The following NADK2 variants were observed in gnomAD, a reference collection of about 807,000 sequenced individuals.
NADK2 encodes NAD kinase 2, mitochondrial.
Under a neutral mutation model 62.1 loss-of-function variants are expected in NADK2, and 35 were observed. That is an observed-to-expected ratio of 0.56 (90% CI 0.43 to 0.75). The LOEUF (loss-of-function observed/expected upper bound fraction) is 0.75, where lower values mean the gene tolerates loss of function less well. NADK2 is among the 30% of genes least tolerant of loss of function. The pLI, the probability that NADK2 is intolerant of heterozygous loss-of-function variation, is 0.00. For synonymous variants in NADK2, 205 were observed against 207.9 expected (o/e 0.99, Z 0.12); for missense variants, 439 against 561.3 (o/e 0.78, Z 2.20).
chr5:36,206,264 C>T (rs1395221886), intron 8 of NADK2, among the ~76,000 whole-genome samples: 1 of 149,434 alleles, frequency 6.7e-6, no homozygotes, highest in African/African-American at 2.5e-5. Flanking sequence ...GCATGTTGTG[C>T]ACATGTACCC....
intron 10 of NADK2, among the ~76,000 whole-genome samples, chr5:36,199,545 A>C (rs1215974291): frequency 6.6e-6 from 1 of 152,070 alleles, no homozygotes; most frequent in Non-Finnish European, 1.5e-5. Flanking sequence ...GTGTGTTACA[A>C]TCTGATACGC....
chr5:36,208,814 C>T (rs1030595468), intron 7 of NADK2: 2 of 668,652 alleles, frequency 3.0e-6, no homozygotes, highest in African/African-American at 1.8e-5. Flanking sequence ...AAGCAAGGCA[C>T]TTAAGTTTTC....
At chr5:36,220,884 C>T (rs528718353) in intron 4 of NADK2, among the ~76,000 whole-genome samples, 2 of 152,310 alleles carry the variant, frequency 1.3e-5, no homozygotes, top group South Asian at 4.1e-4. Context: ...TCACCCTCTA[C>T]GTGAGCCTCT....
In NADK2 at chr5:36,241,612, CCGCGCGGCTGCCACAGCCCGCCAGCT is replaced by C. The variant is rs751370720; in HGVS notation, c.161_186del (p.Glu54GlyfsTer45). The C allele has an allele frequency of 2.1e-5, 31 of 1,492,994 alleles. No homozygotes were observed. Among genetic ancestry groups the C allele is most frequent in the South Asian group, 2.5e-5 (2 of 80,696 alleles). 92.5% of individuals were successfully genotyped at this position (1,492,994 alleles called of 1,614,324 possible). The stretch of plus-strand genomic sequence containing the variant: ...ACCCGGGAGGGGCGGAAGCCGCCGT[CCGCGCGGCTGCCACAGCCCGCCAGCT>C]CGCGCGGCTGCCCCTGCCCCAGGTG... On this transcript the variant is annotated frameshift_variant, in exon 1 of 12. Coordinates refer to ENST00000381937, the MANE Select transcript of NADK2 (RefSeq NM_001085411.3). LOFTEE classifies it high-confidence loss of function. The surrounding 1 kb of genome is among the most constrained non-coding windows in gnomAD (Gnocchi z 4.9).
chr5:36,237,323 A>G (rs1747946797), intron 1 of NADK2, among the ~76,000 whole-genome samples: 2 of 152,034 alleles, frequency 1.3e-5, no homozygotes, highest in African/African-American at 2.4e-5. Context: ...GACAATCTCC[A>G]CAAATGCTGT....
chr5:36,206,130 C>T (rs867037572), intron 8 of NADK2, among the ~76,000 whole-genome samples: 1 of 151,892 alleles, frequency 6.6e-6, no homozygotes, highest in African/African-American at 2.4e-5. Flanking sequence ...ACATCACACA[C>T]TGGGGCCTTT....
In NADK2 at chr5:36,226,520, C is replaced by G. The variant is rs746719473; in HGVS notation, c.433G>C (p.Asp145His). ...EVRLVKRREY[D>H]EETVRWADAV... ...TCTGCCCATCGAACAGTCTCTTCAT[C>G]ATATTCTCTCCTCTTTACTAGACGA... Residue 145 changes from aspartate (D) to histidine (H), a missense_variant, in exon 3 of 12, where the codon GAT becomes CAT. By Grantham distance (81) the Asp-to-His change is moderately conservative (BLOSUM62 -1). Transcript: ENST00000381937. 1 of 1,613,148 alleles carries G rather than the reference C, an allele frequency of 6.2e-7. No individual in the cohort carries two copies. The highest frequency in any genetic ancestry group is 1.7e-5 in the Admixed American group (1 of 60,006).
chr5:36,240,511 G>A (rs1157967142), intron 1 of NADK2, among the ~76,000 whole-genome samples: 1 of 152,178 alleles, frequency 6.6e-6, no homozygotes, highest in Non-Finnish European at 1.5e-5. Flanking sequence ...ACCTTTTGGT[G>A]CACAGTGCCA....
At chr5:36,233,593 T>C (rs1747788863) in intron 1 of NADK2, among the ~76,000 whole-genome samples, 2 of 152,212 alleles carry the variant, frequency 1.3e-5, no homozygotes, top group African/African-American at 4.8e-5. Flanking sequence ...AACTAGAAAA[T>C]AAAACATACT....
In NADK2 at chr5:36,224,669, A is replaced by C. The variant is rs190457260; in HGVS notation, c.560+873T>G. ...AGGTGATCAAAATACTGAAAGTCAA[A>C]GGGCAGATTTAGTGGGATAAAGTAA... On this transcript the variant is annotated intron_variant, in intron 4 of 11. Transcript: ENST00000381937. Among the ~76,000 whole-genome samples the C allele has an allele frequency of 2.6e-5, 4 of 152,268 alleles. No individual in the cohort carries two copies. In the East Asian group the frequency reaches 7.7e-4, roughly 29 times the overall value.
intron 1 of NADK2, among the ~76,000 whole-genome samples, chr5:36,229,963 T>C (rs115031695): frequency 2.0e-4 from 31 of 151,604 alleles, no homozygotes; most frequent in African/African-American, 7.5e-4. Flanking sequence ...TTACTAAATC[T>C]TATATTTGAT....
intron 1 of NADK2, among the ~76,000 whole-genome samples, chr5:36,230,671 T>C (rs1284991281): frequency 6.6e-6 from 1 of 152,234 alleles, no homozygotes; most frequent in African/African-American, 2.4e-5. Flanking sequence ...GACAACAGTG[T>C]GCAAACCAAC....
intron 4 of NADK2, 40 bp downstream of exon 4, chr5:36,225,502 C>T (rs1465602700): frequency 6.5e-7 from 1 of 1,548,138 alleles, no homozygotes; most frequent in Non-Finnish European, 8.8e-7. Context: ...TTAAAAAGCA[C>T]ACCACACAAA....
At chr5:36,223,800 T>TG (rs757962716) in intron 4 of NADK2, among the ~76,000 whole-genome samples, 5 of 151,626 alleles carry the variant, frequency 3.3e-5, no homozygotes, top group Admixed American at 1.3e-4. Context: ...TGGGGATAAG[T>TG]GGAAGGAAAA....
chr5:36,229,423 C>T (rs1747622319), intron 1 of NADK2, among the ~76,000 whole-genome samples: 1 of 152,126 alleles, frequency 6.6e-6, no homozygotes, highest in Non-Finnish European at 1.5e-5. Flanking sequence ...AAAAATCCTT[C>T]ATTTAATTTA....
At position 36,195,117 on chromosome 5, in the gene NADK2, A is replaced by C. The variant is rs541249067; in HGVS notation, c.*27T>G. 2 of 1,583,580 alleles carry C rather than the reference A, an allele frequency of 1.3e-6. No homozygotes were observed. Among genetic ancestry groups the C allele is most frequent in the East Asian group, 2.3e-5 (1 of 43,972 alleles). On this transcript the variant is annotated 3_prime_UTR_variant, in exon 12 of 12. Coordinates refer to ENST00000381937, the MANE Select transcript of NADK2 (RefSeq NM_001085411.3). ...CTGAAGTAAAAATATTCTCGCCAGTAATCAAAATTTGTCATGAGGAAATCC... is the reference window on the plus strand; with the variant it reads ...CTGAAGTAAAAATATTCTCGCCAGTCATCAAAATTTGTCATGAGGAAATCC...
chr5:36,238,757 A>G (rs1184854720), intron 1 of NADK2, among the ~76,000 whole-genome samples: 3 of 152,226 alleles, frequency 2.0e-5, no homozygotes, highest in African/African-American at 7.2e-5. Context: ...CAGAAATCTG[A>G]TATCACAAAA....
chr5:36,217,377 A>G (rs1015261604), intron 6 of NADK2, among the ~76,000 whole-genome samples: 1 of 152,250 alleles, frequency 6.6e-6, no homozygotes, highest in Admixed American at 6.5e-5. Context: ...ATATTTAAGT[A>G]TAACTATATA....
chr5:36,201,836 A>AAACAT (rs1746460410), intron 8 of NADK2, among the ~76,000 whole-genome samples: 1 of 152,056 alleles, frequency 6.6e-6, no homozygotes, highest in Non-Finnish European at 1.5e-5. Context: ...TACATGTGCA[A>AAACAT]TGCCTTGCTT....
Sources: gnomAD v4.1 joint callset for allele counts (sites outside exome capture counted in the v4.1 genomes callset) on GRCh38, gnomAD v4.1.1 for gene constraint, Gnocchi (gnomAD v3.1) non-coding constraint, MANE v1.5 for transcripts, NCBI Gene and HGNC (gene_info 2026-07-23, HGNC 2026-07-21) for gene names.